NXPH1: variants seen among roughly 807,000 people sequenced by gnomAD.
The protein encoded by NXPH1 is neurexophilin 1, also known as neurexophilin-1.
NXPH1 carries 5 observed loss-of-function variants against 23.7 expected under a neutral mutation model. That is an observed-to-expected ratio of 0.21 (90% confidence interval 0.11 to 0.44). The LOEUF is 0.44. Ranked by LOEUF, NXPH1 falls within the 20% of genes least tolerant of loss-of-function variation. The probability of loss-of-function intolerance (pLI) is 0.99; values close to 1 mark genes in which losing one functional copy is unlikely to be tolerated. For missense variants in NXPH1, 324 were observed against 321.6 expected (o/e 1.01, Z -0.06); for synonymous variants, 144 against 122.2 (o/e 1.18, Z -1.18).
intron 2 of NXPH1, among the ~76,000 whole-genome samples, chr7:8,737,322 C>G (rs565899479): frequency 6.6e-6 from 1 of 152,222 alleles, no homozygotes; most frequent in East Asian, 1.9e-4. Context: ...GTAAGGCAGG[C>G]CTGGTGGTGA....
chr7:8,498,965 A>T (rs1817385741), intron 2 of NXPH1, among the ~76,000 whole-genome samples: 1 of 152,044 alleles, frequency 6.6e-6, no homozygotes, highest in South Asian at 2.1e-4. Flanking sequence ...GTAACATTTG[A>T]GTATAAAGTT....
chr7:8,703,692 C>T (rs897220539), intron 2 of NXPH1, among the ~76,000 whole-genome samples: 4 of 151,926 alleles, frequency 2.6e-5, no homozygotes, highest in Non-Finnish European at 5.9e-5. Context: ...GAGGAGCTTT[C>T]GAAAAAGAAA....
chr7:8,667,817 G>T (rs577840896), intron 2 of NXPH1, among the ~76,000 whole-genome samples: 1 of 151,942 alleles, frequency 6.6e-6, no homozygotes, highest in African/African-American at 2.4e-5. Flanking sequence ...CCTAAATCTT[G>T]AATATTTGAT....
At chr7:8,649,528 C>T (rs2214584) in intron 2 of NXPH1, among the ~76,000 whole-genome samples, 107,061 of 151,918 alleles carry the variant, frequency 0.7, 38,523 homozygotes, top group East Asian at 1. Flanking sequence ...TATTTCTCTT[C>T]GGTGGGTGAA....
At chr7:8,627,601 A>G (rs1820021691) in intron 2 of NXPH1, among the ~76,000 whole-genome samples, 1 of 152,160 alleles carries the variant, frequency 6.6e-6, no homozygotes, top group South Asian at 2.1e-4. Flanking sequence ...CTGACACTGA[A>G]GAAATGATTA....
intron 2 of NXPH1, among the ~76,000 whole-genome samples, chr7:8,617,799 T>C (rs1421167815): frequency 1.3e-5 from 2 of 152,114 alleles, no homozygotes; most frequent in Non-Finnish European, 2.9e-5. Context: ...AAGAGTATAA[T>C]GGGATTGTTT....
intron 2 of NXPH1, among the ~76,000 whole-genome samples, chr7:8,577,713 A>G (rs1818782607): frequency 6.6e-6 from 1 of 152,076 alleles, no homozygotes; most frequent in Admixed American, 6.5e-5. Flanking sequence ...GTCTCCTTCC[A>G]CAGTGAGTCA....
rs142595583 is a variant in NXPH1 at position 8,600,696 on chromosome 7, T to A, written c.55-150312T>A. 4.7e-3 allele frequency among the ~76,000 whole-genome samples: 715 copies of A among 152,350 alleles called. 5 individuals are homozygous for A. Among genetic ancestry groups the A allele is most frequent in the African/African-American group, 0.016 (661 of 41,578 alleles). ...TCATTGAACCTTCTCTCTTCTCTATTACTTATGATTGACTTTTGGTTTCAC... is the reference window on the plus strand; with the variant it reads ...TCATTGAACCTTCTCTCTTCTCTATAACTTATGATTGACTTTTGGTTTCAC... On this transcript the variant is annotated intron_variant, in intron 2 of 2. Transcript: ENST00000405863.
intron 2 of NXPH1, among the ~76,000 whole-genome samples, chr7:8,446,024 G>A (rs941709640): frequency 2.6e-5 from 4 of 152,122 alleles, no homozygotes; most frequent in Non-Finnish European, 2.9e-5. Context: ...GAGGCCCATA[G>A]GTATATAAAA....
In NXPH1 at chr7:8,565,355, A is replaced by T. The variant is rs1476088; in HGVS notation, c.54+129588A>T. On this transcript the variant is annotated intron_variant, in intron 2 of 2. Coordinates refer to ENST00000405863, the MANE Select transcript of NXPH1 (RefSeq NM_152745.3). ...TTTTAAGCACGCAATGCAGGATCTTAGTATTTTTAAAGCCAAATAAAGCAA... is the reference window on the plus strand; with the variant it reads ...TTTTAAGCACGCAATGCAGGATCTTTGTATTTTTAAAGCCAAATAAAGCAA... Among the ~76,000 whole-genome samples, 1,464 of 151,978 alleles carry T rather than the reference A, an allele frequency of 9.6e-3. 25 individuals are homozygous for T. Among genetic ancestry groups the T allele is most frequent in the African/African-American group, 0.033 (1,377 of 41,510 alleles).
chr7:8,701,991 T>C (rs1037767640), intron 2 of NXPH1, among the ~76,000 whole-genome samples: 1 of 151,936 alleles, frequency 6.6e-6, no homozygotes, highest in Non-Finnish European at 1.5e-5. Context: ...TACCAATTTA[T>C]CTGTTAACTA....
At chr7:8,632,259 T>C (rs1018450736) in intron 2 of NXPH1, among the ~76,000 whole-genome samples, 3 of 152,162 alleles carry the variant, frequency 2.0e-5, no homozygotes, top group African/African-American at 7.2e-5. Flanking sequence ...ACCAACTAAT[T>C]TTAGCTTGAA....
chr7:8,667,142 A>G (rs1380393871), intron 2 of NXPH1, among the ~76,000 whole-genome samples: 1 of 151,932 alleles, frequency 6.6e-6, no homozygotes, highest in African/African-American at 2.4e-5. Flanking sequence ...TTAATTACAT[A>G]TTCCTTAACA....
chr7:8,715,419 C>A (rs953086567), intron 2 of NXPH1, among the ~76,000 whole-genome samples: 2 of 152,040 alleles, frequency 1.3e-5, no homozygotes, highest in African/African-American at 4.8e-5. Flanking sequence ...TCTGAAGGTG[C>A]TTTTATTGTG....
At chr7:8,732,475 G>T (rs1259766502) in intron 2 of NXPH1, among the ~76,000 whole-genome samples, 1 of 152,084 alleles carries the variant, frequency 6.6e-6, no homozygotes, top group Non-Finnish European at 1.5e-5. Flanking sequence ...CATTTGTATT[G>T]ACCACTAATT....
intron 2 of NXPH1, among the ~76,000 whole-genome samples, chr7:8,452,392 G>A (rs2158591): frequency 0.6 from 91,526 of 151,992 alleles, 30,182 homozygotes; most frequent in African/African-American, 0.87. Flanking sequence ...TATTCCTCCT[G>A]TTCCCATTTT....
At chr7:8,631,093 A>C (rs1322722647) in intron 2 of NXPH1, among the ~76,000 whole-genome samples, 1 of 152,206 alleles carries the variant, frequency 6.6e-6, no homozygotes, top group African/African-American at 2.4e-5. Flanking sequence ...ATGTCCCTGC[A>C]AAGGACATGA....
At chr7:8,709,303 C>T (rs1416690250) in intron 2 of NXPH1, among the ~76,000 whole-genome samples, 2 of 151,432 alleles carry the variant, frequency 1.3e-5, no homozygotes, top group Admixed American at 6.6e-5. Context: ...TTCACATGCT[C>T]CCTTTGCCTT....
At chr7:8,553,329 G>A (rs991695989) in intron 2 of NXPH1, among the ~76,000 whole-genome samples, 9 of 136,962 alleles carry the variant, frequency 6.6e-5, no homozygotes, top group African/African-American at 8.1e-5. Context: ...TCTGAGGAAG[G>A]TGGTGGGCAT....
Sources: gnomAD v4.1 joint callset for allele counts (sites outside exome capture counted in the v4.1 genomes callset) on GRCh38, gnomAD v4.1.1 for gene constraint, MANE v1.5 for transcripts, NCBI Gene and HGNC (gene_info 2026-07-23, HGNC 2026-07-21) for gene names.